FSD1: variants seen among roughly 807,000 people sequenced by gnomAD.
FSD1 encodes fibronectin type III and SPRY domain-containing protein 1.
FSD1 carries 23 observed loss-of-function variants against 58.2 expected under a neutral mutation model. The ratio of observed to expected loss-of-function variants is 0.40; its 90% CI spans 0.28 to 0.56. The LOEUF is 0.56. FSD1 is among the 20% of genes least tolerant of loss of function. FSD1 has a pLI of 0.54. For synonymous variants in FSD1, 265 were observed against 263.4 expected (o/e 1.01, Z -0.06); for missense variants, 563 against 670.8 (o/e 0.84, Z 1.78).
rs2144766567 is a variant in FSD1 at position 4,317,302 on chromosome 19, C to G, written c.799+22C>G. ...CCAGGTGACTGGATTCCACCCTTGT[C>G]CTACCCCTAACTCCATGGCCCCTTC... On this transcript the variant is annotated intron_variant, in intron 8 of 12. Coordinates refer to ENST00000221856, the MANE Select transcript of FSD1 (RefSeq NM_024333.3). 4 of 1,386,534 alleles carry G rather than the reference C, an allele frequency of 2.9e-6. No homozygotes were observed. In the South Asian group the frequency reaches 3.5e-5, roughly 12 times the overall value. The allele number at this position is 1,386,534 out of a possible 1,614,324, so 85.9% of individuals were successfully genotyped here. A position where few individuals can be genotyped will look rare whatever the true frequency, so the allele number is the denominator to read the frequency against.
intron 7 of FSD1, among the ~76,000 whole-genome samples, chr19:4,316,284 C>G (rs534595396): frequency 6.6e-6 from 1 of 151,898 alleles, no homozygotes; most frequent in Non-Finnish European, 1.5e-5. Context: ...TGCAGTGGTG[C>G]GATCTTGGCT....
chr19:4,308,586 A>G (rs1462817081), intron 4 of FSD1, among the ~76,000 whole-genome samples: 6 of 151,888 alleles, frequency 4.0e-5, no homozygotes, highest in Non-Finnish European at 7.4e-5. Context: ...GGCCAGGCAC[A>G]GGGGCTCATG....
chr19:4,312,106 C>A (rs3745989), intron 7 of FSD1, 55 bp downstream of exon 7: 266,778 of 1,440,020 alleles, frequency 0.19, 27,688 homozygotes, highest in East Asian at 0.5. Flanking sequence ...CTCTTCCAGC[C>A]TCCCGTCTCG....
chr19:4,319,147 T>C (rs1599541272), intron 10 of FSD1, among the ~76,000 whole-genome samples, 196 bp downstream of exon 10: 2 of 152,326 alleles, frequency 1.3e-5, no homozygotes, highest in East Asian at 3.9e-4. Context: ...AGCCAGAATT[T>C]ATGGAGTGAA....
At chr19:4,310,742 C>T (rs1971680509) in intron 6 of FSD1, 146 bp downstream of exon 6, 2 of 916,224 alleles carry the variant, frequency 2.2e-6, no homozygotes, top group Non-Finnish European at 3.2e-6. Context: ...ATTCCACGCC[C>T]TGTGGGGGGT....
In FSD1 at chr19:4,318,759, C is replaced by A. The variant is rs1039973242; in HGVS notation, c.960-113C>A. ...ATATATAGATAGAGCCAAATACTGC[C>A]AGAGATTGACCCAACATCCACGGTG... On this transcript the variant is annotated intron_variant, in intron 9 of 12. Transcript: ENST00000221856. The A allele has an allele frequency of 6.4e-5, 57 of 887,338 alleles. No homozygotes were observed. In the Admixed American group the frequency reaches 9.9e-4, roughly 15 times the overall value. The allele number at this position is 887,338 out of a possible 1,614,324, so 55.0% of individuals were successfully genotyped here.
At chr19:4,307,654 C>T (rs1407268720) in intron 3 of FSD1, among the ~76,000 whole-genome samples, 1 of 152,214 alleles carries the variant, frequency 6.6e-6, no homozygotes, top group African/African-American at 2.4e-5. Context: ...CAGGCCTGAG[C>T]CACCACACCC....
Position 4,318,450 on chromosome 19 carries a change from G to T in FSD1, c.904G>T (p.Ala302Ser), listed in dbSNP as rs1971779248. Residue 302 changes from alanine to serine, a missense_variant, in exon 9 of 13, where the codon GCT becomes TCT. By Grantham distance (99) the Ala-to-Ser change is moderately conservative. Transcript: ENST00000221856. ...AMGGKVQDIK[A>S]REKDGKGRTA... is the part of the protein sequence containing the mutation. ...GGGCGGGAAGGTGCAGGATATCAAG[G>T]CTCGCGAGAAAGATGGCAAGGGGCG... 2 of 1,613,656 alleles carry T rather than the reference G, an allele frequency of 1.2e-6. No homozygotes were observed. The highest frequency in any genetic ancestry group is 2.7e-5 in the African/African-American group (2 of 74,880).
intron 1 of FSD1, among the ~76,000 whole-genome samples, chr19:4,305,173 G>T (rs991677304): frequency 1.4e-5 from 2 of 142,552 alleles, no homozygotes; most frequent in African/African-American, 5.3e-5. Flanking sequence ...GTCAGAGCAA[G>T]AGGCTCCCGA....
intron 7 of FSD1, among the ~76,000 whole-genome samples, chr19:4,314,634 C>G (rs1024048964): frequency 6.6e-6 from 1 of 152,022 alleles, no homozygotes; most frequent in African/African-American, 2.4e-5. Context: ...TTACAGGCGC[C>G]CACCACCATG....
intron 5 of FSD1, 23 bp from the exon 6 acceptor site, chr19:4,310,452 C>T (rs1217920457): frequency 1.1e-5 from 18 of 1,607,012 alleles, no homozygotes; most frequent in Admixed American, 1.7e-5. Flanking sequence ...CCCCACGCAA[C>T]GCCTGCCACC....
Position 4,306,184 on chromosome 19 carries a change from CT to C in FSD1, c.112-13del. 6.2e-7 allele frequency: 1 copy of C among 1,613,854 alleles called. No individual in the cohort carries two copies. The highest frequency in any genetic ancestry group is 8.5e-7 in the Non-Finnish European group (1 of 1,179,832). On this transcript the variant is annotated splice_polypyrimidine_tract_variant and intron_variant, in intron 2 of 12. Coordinates refer to ENST00000221856, the MANE Select transcript of FSD1 (RefSeq NM_024333.3). ...GAACACGGGCTTTGGCCGATTCTGG[CT>C]GTTCCGACCCAGGCGAACTCGGCGA...
At chr19:4,314,424 A>G (rs1490563951) in intron 7 of FSD1, among the ~76,000 whole-genome samples, 1 of 152,042 alleles carries the variant, frequency 6.6e-6, no homozygotes, top group East Asian at 1.9e-4. Flanking sequence ...AAGTACAGTG[A>G]GGACCCATGT....
chr19:4,315,784 G>A (rs970088654), intron 7 of FSD1, among the ~76,000 whole-genome samples: 9 of 151,590 alleles, frequency 5.9e-5, no homozygotes, highest in Non-Finnish European at 8.8e-5. Flanking sequence ...GCTAATTTTT[G>A]TGTTTTTAGT....
intron 4 of FSD1, among the ~76,000 whole-genome samples, chr19:4,309,635 C>T (rs755212558): frequency 2.6e-5 from 4 of 152,176 alleles, no homozygotes; most frequent in African/African-American, 4.8e-5. Flanking sequence ...TTGGGCCGGG[C>T]GCAGTGGCTC....
Position 4,317,223 on chromosome 19 carries a change from G to A in FSD1, c.742G>A (p.Ala248Thr), listed in dbSNP as rs1277179127. Reference sequence around the variant, plus strand: ...GAAATACATGAACTTCCGTGTGAAGGCCTGTAACAAGGCAGTTGCAGGAGA... The same window carrying A: ...GAAATACATGAACTTCCGTGTGAAGACCTGTAACAAGGCAGTTGCAGGAGA... ...DMKYMNFRVK[A>T]CNKAVAGEFS... The change falls in exon 8 of 13, where the codon GCC becomes ACC. Residue 248 changes from alanine to threonine, a missense_variant. Transcript: ENST00000221856. The A allele has an allele frequency of 1.2e-6, 2 of 1,613,140 alleles. No homozygotes were observed. Among genetic ancestry groups the A allele is most frequent in the Non-Finnish European group, 8.5e-7 (1 of 1,179,340 alleles).
At chr19:4,310,700 G>A in intron 6 of FSD1, 104 bp downstream of exon 6, 2 of 1,336,420 alleles carry the variant, frequency 1.5e-6, no homozygotes, top group Non-Finnish European at 2.1e-6. Flanking sequence ...CCCGGTGTCT[G>A]AATTCCGCCT....
At chr19:4,312,979 A>G (rs370664659) in intron 7 of FSD1, among the ~76,000 whole-genome samples, 4 of 152,006 alleles carry the variant, frequency 2.6e-5, no homozygotes, top group African/African-American at 9.6e-5. Context: ...AAAGCAGACA[A>G]TAATCTTTTC....
At position 4,308,010 on chromosome 19, in the gene FSD1, A is replaced by C. The variant is rs752428909; in HGVS notation, c.345+27A>C. The C allele has an allele frequency of 5.2e-6, 8 of 1,550,808 alleles. No individual in the cohort carries two copies. In the Middle Eastern group the frequency reaches 5.0e-4, roughly 98 times the overall value. ...TGGGTGCCTCTGATGCTGCCAGGTA[A>C]AGAACAGTGTGCCCAGTCACGTTTG... On this transcript the variant is annotated intron_variant, in intron 4 of 12. Coordinates refer to ENST00000221856, the MANE Select transcript of FSD1 (RefSeq NM_024333.3).
Sources: gnomAD v4.1 joint callset for allele counts (sites outside exome capture counted in the v4.1 genomes callset) on GRCh38, gnomAD v4.1.1 for gene constraint, MANE v1.5 for transcripts, NCBI Gene and HGNC (gene_info 2026-07-23, HGNC 2026-07-21) for gene names.